The following IFNAR2 variants were observed in gnomAD, a reference collection of about 807,000 sequenced individuals.
IFNAR2 encodes interferon alpha/beta receptor 2.
A neutral mutation model predicts 49.4 loss-of-function variants in IFNAR2; 30 were observed. That is an observed-to-expected ratio of 0.61 (90% CI 0.45 to 0.82). The LOEUF is 0.82. Ranked by LOEUF, IFNAR2 falls within the 40% of genes least tolerant of loss-of-function variation. The probability of loss-of-function intolerance (pLI) is 0.00; values close to 1 mark genes in which losing one functional copy is unlikely to be tolerated. For missense variants in IFNAR2, 600 were observed against 622.7 expected (o/e 0.96, Z 0.39); for synonymous variants, 224 against 234.5 (o/e 0.96, Z 0.41).
chr21:33,229,997 CGGCGGGTA>C lies in IFNAR2; in HGVS notation c.-300_-293del. 1 of 984,676 alleles carries C rather than the reference CGGCGGGTA, an allele frequency of 1.0e-6. No homozygotes were observed. Among genetic ancestry groups the C allele is most frequent in the African/African-American group, 1.7e-5 (1 of 57,198 alleles). 61.0% of individuals were successfully genotyped at this position (984,676 alleles called of 1,614,324 possible). A position where few individuals can be genotyped will look rare whatever the true frequency, so the allele number is the denominator to read the frequency against. The stretch of plus-strand genomic sequence containing the variant: ...CACCCGCACTAAAGACGCTTCTTCC[CGGCGGGTA>C]GGAATCCCGCCGGCGAGCCGAACAG... On this transcript the variant is annotated 5_prime_UTR_variant, in exon 1 of 9. Transcript: ENST00000342136.
intron 3 of IFNAR2, 78 bp from the exon 4 acceptor site, chr21:33,244,873 C>T (rs1987268859): frequency 2.7e-6 from 4 of 1,466,274 alleles, no homozygotes; most frequent in Admixed American, 3.4e-5. Context: ...GGTTCTAGAT[C>T]CCAAGAAATG....
In IFNAR2 at chr21:33,229,977, G is replaced by C. The variant is rs1183182282; in HGVS notation, c.-323G>C. The C allele has an allele frequency of 1.0e-6, 1 of 984,332 alleles. No individual in the cohort carries two copies. The highest frequency in any genetic ancestry group is 1.2e-6 in the Non-Finnish European group (1 of 829,594). 61.0% of individuals were successfully genotyped at this position (984,332 alleles called of 1,614,324 possible). A position where few individuals can be genotyped will look rare whatever the true frequency, so the allele number is the denominator to read the frequency against. ...AGGCCGGGGCTCGGCGCGCGCACCC[G>C]CACTAAAGACGCTTCTTCCCGGCGG... is the stretch of plus-strand genomic sequence containing the variant. On this transcript the variant is annotated 5_prime_UTR_variant, in exon 1 of 9. Coordinates refer to ENST00000342136, the MANE Select transcript of IFNAR2 (RefSeq NM_001289125.3).
chr21:33,251,583 C>T (rs940429484), intron 6 of IFNAR2: 15 of 985,236 alleles, frequency 1.5e-5, no homozygotes, highest in Non-Finnish European at 1.8e-5. Flanking sequence ...ACTAACTCCT[C>T]CTCCCAAACA....
chr21:33,242,945 T>C (rs7275213), intron 2 of IFNAR2, among the ~76,000 whole-genome samples: 149,298 of 149,662 alleles, frequency 1, 74,469 homozygotes, highest in East Asian at 1. Flanking sequence ...CCCGCCACCA[T>C]GCCCGGCTAA....
intron 6 of IFNAR2, 126 bp downstream of exon 6, chr21:33,248,980 C>T (rs1055513679): frequency 2.5e-5 from 17 of 674,482 alleles, no homozygotes; most frequent in Non-Finnish European, 4.0e-5. Context: ...TCAGTATGGT[C>T]CGACTTAGGG....
chr21:33,262,319 G>A (rs943561920), intron 8 of IFNAR2, among the ~76,000 whole-genome samples: 3 of 138,738 alleles, frequency 2.2e-5, no homozygotes, highest in South Asian at 2.2e-4. Flanking sequence ...AGCCAAGACC[G>A]CACTACTGCA....
chr21:33,252,282 A>G, intron 6 of IFNAR2: 1 of 461,226 alleles, frequency 2.2e-6, no homozygotes, highest in East Asian at 7.5e-5. Context: ...TTTGAAAGTC[A>G]AAAGGGTTAA....
chr21:33,242,989 A>G (rs1945931257), intron 2 of IFNAR2, among the ~76,000 whole-genome samples: 1 of 151,050 alleles, frequency 6.6e-6, no homozygotes, highest in Non-Finnish European at 1.5e-5. Context: ...AGGTTTCACC[A>G]TGTTGGCCAT....
chr21:33,233,834 A>G (rs1601783328), intron 1 of IFNAR2, among the ~76,000 whole-genome samples: 1 of 152,176 alleles, frequency 6.6e-6, no homozygotes, highest in African/African-American at 2.4e-5. Flanking sequence ...ATTTAAATAT[A>G]GAAGTAATAC....
At chr21:33,244,439 C>G (rs1040736979) in intron 3 of IFNAR2, among the ~76,000 whole-genome samples, 1 of 152,142 alleles carries the variant, frequency 6.6e-6, no homozygotes, top group African/African-American at 2.4e-5. Flanking sequence ...AGTCTGGGCT[C>G]ATGTTATACT....
intron 7 of IFNAR2, among the ~76,000 whole-genome samples, chr21:33,258,856 C>T (rs1221742920): frequency 6.6e-6 from 1 of 152,234 alleles, no homozygotes; most frequent in Non-Finnish European, 1.5e-5. Flanking sequence ...GCAGGTTGCT[C>T]TCCGTGATCT....
chr21:33,262,962 A>G lies in IFNAR2; in HGVS notation c.1010A>G (p.Tyr337Cys). 6.2e-7 allele frequency: 1 copy of G among 1,614,172 alleles called. No individual in the cohort carries two copies. Among genetic ancestry groups the G allele is most frequent in the Non-Finnish European group, 8.5e-7 (1 of 1,180,014 alleles). ...EAAPRTSGGG[Y>C]TMHGLTVRPL... ...GCGCCCAGGACAAGTGGCGGTGGCTATACCATGCATGGACTGACTGTCAGG... is the reference window on the plus strand; with the variant it reads ...GCGCCCAGGACAAGTGGCGGTGGCTGTACCATGCATGGACTGACTGTCAGG... Residue 337 changes from tyrosine to cysteine, a missense_variant, in exon 9 of 9, where the codon TAT becomes TGT. Tyr to Cys is a radical substitution (Grantham distance 194). Transcript: ENST00000342136.
chr21:33,241,910 A>T lies in IFNAR2; in HGVS notation c.-13A>T. ...GATGTAAAAGTCAAGAGAAGACTCT[A>T]AAAATAGCAAAGATGCTTTTGAGCC... is the stretch of plus-strand genomic sequence containing the variant. On this transcript the variant is annotated 5_prime_UTR_variant, in exon 2 of 9. An upstream open reading frame in the 5' UTR loses its in-frame stop. Coordinates refer to ENST00000342136, the MANE Select transcript of IFNAR2 (RefSeq NM_001289125.3). 1 of 1,611,692 alleles carries T rather than the reference A, an allele frequency of 6.2e-7. No individual in the cohort carries two copies. Among genetic ancestry groups the T allele is most frequent in the Non-Finnish European group, 8.5e-7 (1 of 1,178,168 alleles).
chr21:33,262,284 A>G (rs1988635075), intron 8 of IFNAR2, among the ~76,000 whole-genome samples: 1 of 150,958 alleles, frequency 6.6e-6, no homozygotes, highest in South Asian at 2.1e-4. Context: ...GAATTGCTTG[A>G]ACCTGGGAGG....
At chr21:33,260,784 TAAG>T (rs1384230356) in intron 8 of IFNAR2, 57 bp downstream of exon 8, 3 of 1,088,224 alleles carry the variant, frequency 2.8e-6, no homozygotes, top group African/African-American at 3.3e-5. Flanking sequence ...TATTTTAACT[TAAG>T]AATTTGTATT....
Position 33,248,990 on chromosome 21 carries a change from G to A in IFNAR2, c.540+136G>A, listed in dbSNP as rs1987648530. 8 of 648,736 alleles carry A rather than the reference G, an allele frequency of 1.2e-5. No individual in the cohort carries two copies. The East Asian group carries it at 2.3e-4, about 18-fold the overall frequency. The allele number at this position is 648,736 out of a possible 1,614,324, so 40.2% of individuals were successfully genotyped here. ...AGGCTTCAGTATGGTCCGACTTAGG[G>A]AAGAAGTCACTATGGTTCATTCACT... On this transcript the variant is annotated intron_variant, in intron 6 of 8. Transcript: ENST00000342136.
At chr21:33,236,746 G>A (rs1754131803) in intron 1 of IFNAR2, 1 of 985,020 alleles carries the variant, frequency 1.0e-6, no homozygotes, top group African/African-American at 1.7e-5. Context: ...GGGGCTCCTA[G>A]CACAAAACTC....
At chr21:33,254,499 C>T (rs1231685922) in intron 7 of IFNAR2, among the ~76,000 whole-genome samples, 1 of 152,150 alleles carries the variant, frequency 6.6e-6, no homozygotes, top group East Asian at 1.9e-4. Flanking sequence ...TCCAGGTGTT[C>T]TTCCTGATCC....
rs1329822714 is a variant in IFNAR2 at position 33,230,148 on chromosome 21, C to G, written c.-152C>G. 1.0e-6 allele frequency: 1 copy of G among 999,236 alleles called. No homozygotes were observed. The highest frequency in any genetic ancestry group is 1.7e-5 in the African/African-American group (1 of 57,276). The allele number at this position is 999,236 out of a possible 1,614,324, so 61.9% of individuals were successfully genotyped here. ...CGCATCCTGACCGCGAGCGTCGGGT[C>G]CCAGAGCCGGGCGCGGCTGGGGCCC... On this transcript the variant is annotated 5_prime_UTR_variant, in exon 1 of 9. Transcript: ENST00000342136. The surrounding 1 kb of genome is among the most constrained non-coding windows in gnomAD (Gnocchi z 5.5).
Sources: gnomAD v4.1 joint callset for allele counts (sites outside exome capture counted in the v4.1 genomes callset) on GRCh38, gnomAD v4.1.1 for gene constraint, Gnocchi (gnomAD v3.1) non-coding constraint, MANE v1.5 for transcripts, NCBI Gene and HGNC (gene_info 2026-07-23, HGNC 2026-07-21) for gene names.